SUPT3H: variants seen among roughly 807,000 people sequenced by gnomAD.
The protein encoded by SUPT3H is SPT3 homolog, SAGA and STAGA complex component.
SUPT3H carries 44 observed loss-of-function variants against 44.3 expected under a neutral mutation model. The ratio of observed to expected loss-of-function variants is 0.99; its 90% CI spans 0.78 to 1.28. The LOEUF (loss-of-function observed/expected upper bound fraction) is 1.28, where lower values mean the gene tolerates loss of function less well. Ranked by LOEUF, SUPT3H falls within the 50% of genes most tolerant of loss-of-function variation. SUPT3H has a pLI of 0.00. For synonymous variants in SUPT3H, 124 were observed against 125.6 expected (o/e 0.99, Z 0.09); for missense variants, 380 against 387.1 (o/e 0.98, Z 0.15).
intron 3 of SUPT3H, among the ~76,000 whole-genome samples, chr6:45,096,634 TAA>T (rs1348965702): frequency 2.0e-5 from 3 of 152,148 alleles, no homozygotes; most frequent in Non-Finnish European, 2.9e-5. Context: ...ATGATTTAAG[TAA>T]AAACTTCTAA....
At chr6:45,081,228 A>G (rs756633317) in intron 3 of SUPT3H, among the ~76,000 whole-genome samples, 1 of 152,072 alleles carries the variant, frequency 6.6e-6, no homozygotes, top group Non-Finnish European at 1.5e-5. Context: ...TTTACATTTC[A>G]GCTCGTCCCA....
chr6:45,127,308 C>T (rs946198274), intron 2 of SUPT3H, among the ~76,000 whole-genome samples: 6 of 151,970 alleles, frequency 3.9e-5, no homozygotes, highest in Non-Finnish European at 7.4e-5. Flanking sequence ...AGTGAGAATC[C>T]GTCTCAAAAT....
intron 2 of SUPT3H, among the ~76,000 whole-genome samples, chr6:45,349,173 G>A (rs1311438016): frequency 6.6e-6 from 1 of 152,016 alleles, no homozygotes; most frequent in East Asian, 1.9e-4. Context: ...ACTAGAGGGG[G>A]AAAAAAGAAT....
intron 10 of SUPT3H, among the ~76,000 whole-genome samples, chr6:44,840,770 A>T (rs965901604): frequency 6.6e-6 from 1 of 152,204 alleles, no homozygotes; most frequent in East Asian, 1.9e-4. Context: ...AATTTATTCA[A>T]TCTAGGCCAT....
At chr6:45,058,497 G>C (rs921800608) in intron 3 of SUPT3H, among the ~76,000 whole-genome samples, 17 of 152,128 alleles carry the variant, frequency 1.1e-4, no homozygotes, top group African/African-American at 4.1e-4. Context: ...ACTTAGTACA[G>C]TGTCTGGCAT....
At chr6:44,931,106 T>C (rs1770520731) in intron 10 of SUPT3H, among the ~76,000 whole-genome samples, 1 of 152,254 alleles carries the variant, frequency 6.6e-6, no homozygotes, top group South Asian at 2.1e-4. Context: ...CTACCGCTTC[T>C]TTTTGAGGAA....
intron 2 of SUPT3H, among the ~76,000 whole-genome samples, chr6:45,260,276 T>C (rs1774141098): frequency 1.3e-5 from 2 of 152,196 alleles, no homozygotes; most frequent in Non-Finnish European, 1.5e-5. Flanking sequence ...TCAAAGAATA[T>C]GTTTCACATG....
intron 3 of SUPT3H, among the ~76,000 whole-genome samples, chr6:45,024,878 G>A (rs1583128307): frequency 6.6e-6 from 1 of 152,212 alleles, no homozygotes; most frequent in South Asian, 2.1e-4. Flanking sequence ...TGCATAACCT[G>A]GGACACTGGG....
At chr6:45,347,754 AATTC>A (rs1383158451) in intron 2 of SUPT3H, among the ~76,000 whole-genome samples, 3 of 151,528 alleles carry the variant, frequency 2.0e-5, no homozygotes, top group Admixed American at 1.3e-4. Flanking sequence ...AGAACTTCAC[AATTC>A]TTTTTTTTAA....
chr6:44,893,940 T>A (rs36174297), intron 10 of SUPT3H, among the ~76,000 whole-genome samples: 2 of 142,388 alleles, frequency 1.4e-5, no homozygotes, highest in South Asian at 2.4e-4. Flanking sequence ...GGTATCTCAT[T>A]GTGGTTTTGA....
At chr6:44,951,127 T>C (rs1403707813) in intron 9 of SUPT3H, among the ~76,000 whole-genome samples, 1 of 152,120 alleles carries the variant, frequency 6.6e-6, no homozygotes, top group Non-Finnish European at 1.5e-5. Context: ...ATGGTACTTA[T>C]GCTGTCTTTG....
At chr6:45,017,171 T>G (rs1489743665) in intron 4 of SUPT3H, among the ~76,000 whole-genome samples, 1 of 151,602 alleles carries the variant, frequency 6.6e-6, no homozygotes, top group African/African-American at 2.4e-5. Flanking sequence ...TCATATCCTT[T>G]GCCCACTTTT....
intron 2 of SUPT3H, among the ~76,000 whole-genome samples, chr6:45,284,797 A>T (rs1476968621): frequency 1.3e-5 from 2 of 152,202 alleles, no homozygotes; most frequent in African/African-American, 4.8e-5. Flanking sequence ...ACAAAAAAAG[A>T]GAAGTTTAGA....
At chr6:44,953,595 T>C (rs1774651902) in intron 8 of SUPT3H, among the ~76,000 whole-genome samples, 178 bp from the exon 9 acceptor site, 1 of 152,234 alleles carries the variant, frequency 6.6e-6, no homozygotes, top group South Asian at 2.1e-4. Flanking sequence ...AGTCATGATA[T>C]ATTCTGACTT....
chr6:44,855,244 G>A (rs1773535233), intron 10 of SUPT3H, among the ~76,000 whole-genome samples: 7 of 152,204 alleles, frequency 4.6e-5, no homozygotes, highest in Admixed American at 2.6e-4. Context: ...AGGTGCTGAC[G>A]GGCTTGAGTC....
intron 4 of SUPT3H, 24 bp downstream of exon 4, chr6:45,020,522 T>A: frequency 1.3e-6 from 2 of 1,573,740 alleles, no homozygotes; most frequent in Non-Finnish European, 1.7e-6. Context: ...TGGATTTTAA[T>A]ACAATAAAAT....
At chr6:45,044,644 T>C (rs1023090) in intron 3 of SUPT3H, among the ~76,000 whole-genome samples, 61,910 of 151,994 alleles carry the variant, frequency 0.41, 13,001 homozygotes, top group East Asian at 0.71. Flanking sequence ...CTGCTAAAAA[T>C]AGCTTGAGAG....
At chr6:45,203,173 G>A (rs951660127) in intron 2 of SUPT3H, among the ~76,000 whole-genome samples, 35 of 152,086 alleles carry the variant, frequency 2.3e-4, no homozygotes, top group African/African-American at 6.0e-4. Context: ...AGTAAATGGC[G>A]AGGAACACAG....
chr6:45,286,010 T>G (rs1489723159), intron 2 of SUPT3H, among the ~76,000 whole-genome samples: 1 of 137,800 alleles, frequency 7.3e-6, no homozygotes, highest in Non-Finnish European at 1.5e-5. Flanking sequence ...ATTCCCTATT[T>G]AATAAATGGT....
Sources: gnomAD v4.1 joint callset for allele counts (sites outside exome capture counted in the v4.1 genomes callset) on GRCh38, gnomAD v4.1.1 for gene constraint, MANE v1.5 for transcripts, NCBI Gene and HGNC (gene_info 2026-07-23, HGNC 2026-07-21) for gene names.